Variants in HOXA3 observed in about 807,000 individuals in gnomAD.
HOXA3 encodes homeobox A3, also known as homeobox protein Hox-A3.
In HOXA3, 8 loss-of-function variants were observed where a neutral mutation model predicts 30.3. That is an observed-to-expected ratio of 0.26 (90% CI 0.15 to 0.48). The LOEUF is 0.48. Ranked by LOEUF, HOXA3 falls within the 20% of genes least tolerant of loss-of-function variation. The probability of loss-of-function intolerance (pLI) is 0.99; values close to 1 mark genes in which losing one functional copy is unlikely to be tolerated. For missense variants in HOXA3, 653 were observed against 614.4 expected (o/e 1.06, Z -0.66); for synonymous variants, 323 against 273.1 (o/e 1.18, Z -1.80).
rs1306048165 is a variant in HOXA3, at chr7:27,108,318, G to A, written c.929C>T (p.Ala310Val). 6.6e-7 allele frequency: 1 copy of A among 1,518,508 alleles called. No homozygotes were observed. The highest frequency in any genetic ancestry group is 8.9e-7 in the Non-Finnish European group (1 of 1,126,202). 94.1% of individuals were successfully genotyped at this position (1,518,508 alleles called of 1,614,324 possible). ...GCTGGGCAGGGACGCAGGGTAGGAG[G>A]CGGGGGGCAGCCCGTAGGTACCCTG... The part of the protein sequence containing the change: ...PPQGTYGLPP[A>V]SYPASLPSCA... Residue 310 changes from alanine (A) to valine (V), a missense_variant, in exon 6 of 6, where the codon GCC becomes GTC. Around this residue, in one of 3 missense-constraint regions of HOXA3, gnomAD observed 330 missense variants for 274.4 expected, o/e 1.20. Coordinates refer to ENST00000612286, the MANE Select transcript of HOXA3 (RefSeq NM_153631.3). The surrounding 1 kb of genome is among the most constrained non-coding windows in gnomAD (Gnocchi z 5.0).
intron 2 of HOXA3, among the ~76,000 whole-genome samples, chr7:27,138,117 G>C (rs1785768467): frequency 6.6e-6 from 1 of 152,186 alleles, no homozygotes. Flanking sequence ...TTATAAAAGA[G>C]AACCCATACC....
intron 2 of HOXA3, chr7:27,130,456 T>A: frequency 1.6e-6 from 2 of 1,224,834 alleles, no homozygotes; most frequent in South Asian, 3.3e-5. Flanking sequence ...CGCGGCCCCA[T>A]GCGCGGGGTA....
At position 27,118,813 on chromosome 7, in the gene HOXA3, G is replaced by A. The variant is rs894718725; in HGVS notation, c.-121+3746C>T. Among the ~76,000 whole-genome samples, 9 of 152,286 alleles carry A rather than the reference G, an allele frequency of 5.9e-5. No individual in the cohort carries two copies. In the East Asian group the frequency reaches 1.2e-3, roughly 20 times the overall value. On this transcript the variant is annotated intron_variant, in intron 4 of 5. Coordinates refer to ENST00000612286, the MANE Select transcript of HOXA3 (RefSeq NM_153631.3). ...CCCAGAAATAACTGGCCTGGACAGC[G>A]GACTTCCTCACAGCCTGCCATTGTA... is the stretch of plus-strand genomic sequence containing the variant.
At chr7:27,151,391 G>C (rs1029163949) in intron 1 of HOXA3, 1 of 340,944 alleles carries the variant, frequency 2.9e-6, no homozygotes, top group East Asian at 8.5e-5. Flanking sequence ...GGTGGGGAGT[G>C]CGGTCGCCAG....
intron 1 of HOXA3, chr7:27,147,778 T>G: frequency 6.3e-7 from 1 of 1,577,054 alleles, no homozygotes; most frequent in Non-Finnish European, 8.6e-7. Flanking sequence ...GACTGTGATT[T>G]GTTGTGTATT....
At chr7:27,117,304 A>C (rs1475543863) in intron 4 of HOXA3, among the ~76,000 whole-genome samples, 1 of 152,174 alleles carries the variant, frequency 6.6e-6, no homozygotes, top group Non-Finnish European at 1.5e-5. Flanking sequence ...GGAACTCTCC[A>C]AGCCAGCTGG....
chr7:27,130,531 T>G (rs757498078), intron 2 of HOXA3: 3 of 1,357,084 alleles, frequency 2.2e-6, no homozygotes, highest in Non-Finnish European at 9.5e-7. Flanking sequence ...GGCAGTGGGC[T>G]CTCGGCCGCC....
intron 2 of HOXA3, chr7:27,128,947 C>G: frequency 2.0e-6 from 1 of 499,286 alleles, no homozygotes; most frequent in South Asian, 2.3e-5. Context: ...GTATTTGATA[C>G]CAAGTAGTCC....
Position 27,110,747 on chromosome 7 carries a change from C to T in HOXA3, c.-107G>A, listed in dbSNP as rs548995068. Reference sequence around the variant, plus strand: ...CACGTGACACTCCGCCGCCAATGGCCGCCCCGCGCAGACCTGGTGGGGCGA... The same window carrying T: ...CACGTGACACTCCGCCGCCAATGGCTGCCCCGCGCAGACCTGGTGGGGCGA... On this transcript the variant is annotated 5_prime_UTR_variant, in exon 5 of 6. Coordinates refer to ENST00000612286, the MANE Select transcript of HOXA3 (RefSeq NM_153631.3). 2.6e-6 allele frequency: 4 copies of T among 1,543,640 alleles called. No homozygotes were observed. Among genetic ancestry groups the T allele is most frequent in the Non-Finnish European group, 3.5e-6 (4 of 1,135,734 alleles).
At position 27,152,439 on chromosome 7, in the gene HOXA3, G is replaced by A; in HGVS notation, c.-645C>T. 8.6e-7 allele frequency: 1 copy of A among 1,157,510 alleles called. No individual in the cohort carries two copies. Among genetic ancestry groups the A allele is most frequent in the Non-Finnish European group, 1.1e-6 (1 of 924,514 alleles). The allele number at this position is 1,157,510 out of a possible 1,614,324, so 71.7% of individuals were successfully genotyped here. A position where few individuals can be genotyped will look rare whatever the true frequency, so the allele number is the denominator to read the frequency against. ...AGCTGCTGCCGCGGCGCCGGGAACG[G>A]AGCGCGCCCAATCTCCAGCGGGAGC... is the stretch of plus-strand genomic sequence containing the variant. On this transcript the variant is annotated 5_prime_UTR_variant, in exon 1 of 6. Coordinates refer to ENST00000612286, the MANE Select transcript of HOXA3 (RefSeq NM_153631.3).
At position 27,147,242 on chromosome 7, in the gene HOXA3, C is replaced by G. The variant is rs554362055; in HGVS notation, c.-494+5046G>C. 1.6e-4 allele frequency: 230 copies of G among 1,411,002 alleles called. No homozygotes were observed. The African/African-American group carries it at 3.0e-3, about 18-fold the overall frequency. The allele number at this position is 1,411,002 out of a possible 1,614,324, so 87.4% of individuals were successfully genotyped here. A position where few individuals can be genotyped will look rare whatever the true frequency, so the allele number is the denominator to read the frequency against. On this transcript the variant is annotated intron_variant, in intron 1 of 5. Transcript: ENST00000612286. ...TCTATTCCTCTTTCTACTCTGTTTC[C>G]TCCTTCTTTCTTTCTTTTCCTGCCT...
At chr7:27,120,069 C>T (rs934506942) in intron 4 of HOXA3, among the ~76,000 whole-genome samples, 4 of 152,086 alleles carry the variant, frequency 2.6e-5, no homozygotes, top group African/African-American at 9.7e-5. Context: ...CTTACTGCTG[C>T]CTGCCTCATA....
chr7:27,121,282 C>T (rs950227992), intron 4 of HOXA3: 1 of 143,674 alleles, frequency 7.0e-6, no homozygotes, highest in African/African-American at 2.5e-5. Context: ...TCTTATTTAA[C>T]ATGAGATATT....
rs376166790 is a variant in HOXA3, at chr7:27,108,038, C to T, written c.1209G>A (p.Pro403=). Residue 403 remains proline, a synonymous_variant, in exon 6 of 6, where the codon CCG becomes CCA. Transcript: ENST00000612286. The surrounding 1 kb of genome is among the most constrained non-coding windows in gnomAD (Gnocchi z 5.0). ...SGAMDYGGAG[P]LGSGHHHGPG... is the part of the protein sequence containing the mutation. ...GCCCGTGGTGGTGGCCGCTGCCCAG[C>T]GGCCCGGCACCCCCATAGTCCATGG... 4 of 1,612,746 alleles carry T rather than the reference C, an allele frequency of 2.5e-6. No individual in the cohort carries two copies. Among genetic ancestry groups the T allele is most frequent in the Non-Finnish European group, 3.4e-6 (4 of 1,179,286 alleles).
chr7:27,115,502 T>C (rs1338255014), intron 4 of HOXA3: 1 of 152,162 alleles, frequency 6.6e-6, no homozygotes, highest in Non-Finnish European at 1.5e-5. Flanking sequence ...CCGCACTTTC[T>C]CCTCCAAACT....
chr7:27,129,359 G>A (rs1409781164), intron 2 of HOXA3: 1 of 1,614,186 alleles, frequency 6.2e-7, no homozygotes, highest in Non-Finnish European at 8.5e-7. Context: ...TTGGTGTTGG[G>A]CAGTTTGTGG....
intron 2 of HOXA3, among the ~76,000 whole-genome samples, chr7:27,135,918 A>C (rs1161203486): frequency 6.6e-6 from 1 of 152,200 alleles, no homozygotes; most frequent in Non-Finnish European, 1.5e-5. Context: ...ATTCAAGATG[A>C]GATACAGCAT....
chr7:27,142,691 A>C, intron 1 of HOXA3: 1 of 285,686 alleles, frequency 3.5e-6, no homozygotes. Flanking sequence ...CCGCCGTGAC[A>C]AGCCCGATTC....
chr7:27,129,018 C>T, intron 2 of HOXA3: 1 of 617,568 alleles, frequency 1.6e-6, no homozygotes, highest in Non-Finnish European at 2.9e-6. Context: ...CACCAGCCAG[C>T]ATCCTGGACA....
Sources: gnomAD v4.1 joint callset for allele counts (sites outside exome capture counted in the v4.1 genomes callset) on GRCh38, gnomAD v4.1.1 for gene constraint, gnomAD v4.1.1 regional missense constraint, Gnocchi (gnomAD v3.1) non-coding constraint, MANE v1.5 for transcripts, NCBI Gene and HGNC (gene_info 2026-07-23, HGNC 2026-07-21) for gene names.